EP300: variants seen among roughly 807,000 people sequenced by gnomAD.
EP300 encodes the protein histone acetyltransferase p300.
A neutral mutation model predicts 264.0 loss-of-function variants in EP300; 31 were observed. The observed-to-expected ratio is 0.12, with a 90% CI of 0.09 to 0.16. The LOEUF (loss-of-function observed/expected upper bound fraction) is 0.16. EP300 is among the 10% of genes least tolerant of loss of function. The pLI, the probability that EP300 is intolerant of heterozygous loss-of-function variation, is 1.00. For missense variants in EP300, 2,766 were observed against 3,052.9 expected (o/e 0.91, Z 2.21); for synonymous variants, 1,340 against 1,045.4 (o/e 1.28, Z -5.44).
In EP300 at chr22:41,177,245, A is replaced by G. The variant is rs2145516285; in HGVS notation, c.5534A>G (p.Gln1845Arg). ...CGGACTGGTGTGGTTGGGCAGCAAC[A>G]GGGCCTCCCTTCCCCCACTCCTGCC... ...MQRTGVVGQQ[Q>R]GLPSPTPATP... The change falls in exon 31 of 31, where the codon CAG (glutamine) becomes CGG (arginine). Residue 1845 changes from glutamine (Q) to arginine (R), a missense_variant. Coordinates refer to ENST00000263253, the MANE Select transcript of EP300 (RefSeq NM_001429.4). 6.2e-7 allele frequency: 1 copy of G among 1,614,104 alleles called. No individual in the cohort carries two copies.
At chr22:41,106,661 G>A (rs1208390149) in intron 1 of EP300, among the ~76,000 whole-genome samples, 3 of 152,148 alleles carry the variant, frequency 2.0e-5, no homozygotes, top group Non-Finnish European at 2.9e-5. Flanking sequence ...TGTCGTCCAG[G>A]CTGTAGTGCA....
intron 3 of EP300, chr22:41,126,355 C>G (rs9611500): frequency 0.029 from 7,688 of 265,412 alleles, 182 homozygotes; most frequent in South Asian, 0.08. Flanking sequence ...AAAGCGGAAC[C>G]TTTCACTTTT....
In EP300 at chr22:41,177,247, G is replaced by T; in HGVS notation, c.5536G>T (p.Gly1846Cys). The T allele has an allele frequency of 6.2e-7, 1 of 1,614,056 alleles. No homozygotes were observed. The highest frequency in any genetic ancestry group is 8.5e-7 in the Non-Finnish European group (1 of 1,180,012). ...GACTGGTGTGGTTGGGCAGCAACAGGGCCTCCCTTCCCCCACTCCTGCCAC... is the reference window on the plus strand; with the variant it reads ...GACTGGTGTGGTTGGGCAGCAACAGTGCCTCCCTTCCCCCACTCCTGCCAC... ...QRTGVVGQQQGLPSPTPATPT... is the reference protein window; with the variant it reads ...QRTGVVGQQQCLPSPTPATPT... The change falls in exon 31 of 31, where the codon GGC becomes TGC. Residue 1846 changes from glycine to cysteine, a missense_variant. Gly to Cys is a radical substitution (Grantham distance 159). Transcript: ENST00000263253.
chr22:41,127,293 G>A (rs1459258513), intron 3 of EP300, among the ~76,000 whole-genome samples, 194 bp from the exon 4 acceptor site: 5 of 151,952 alleles, frequency 3.3e-5, no homozygotes, highest in Non-Finnish European at 5.9e-5. Context: ...ACTTCGTAAT[G>A]TCATTTTTTT....
chr22:41,157,252 G>A lies in EP300; in HGVS notation c.3345G>A (p.Trp1115Ter), dbSNP rs2145747305. The A allele has an allele frequency of 6.2e-7, 1 of 1,614,138 alleles. No homozygotes were observed. Among genetic ancestry groups the A allele is most frequent in the South Asian group, 1.1e-5 (1 of 91,076 alleles). Residue 1115 changes from tryptophan to a stop codon, truncating the protein, a stop_gained, in exon 18 of 31, where the codon TGG (tryptophan) becomes TGA (stop). Transcript: ENST00000263253. LOFTEE classifies it high-confidence loss of function. ...ACACTGGACAGTATCAGGAGCCCTG[G>A]CAGTATGTCGATGATATTTGGCTTA... is the stretch of plus-strand genomic sequence containing the variant. ...KLDTGQYQEP[W>*]QYVDDIWLMF... is the part of the protein sequence containing the mutation.
At chr22:41,153,046 A>G (rs952058242) in intron 16 of EP300, among the ~76,000 whole-genome samples, 1 of 152,116 alleles carries the variant, frequency 6.6e-6, no homozygotes, top group African/African-American at 2.4e-5. Flanking sequence ...ATGAGCTACC[A>G]CACCCGGCCT....
intron 1 of EP300, among the ~76,000 whole-genome samples, chr22:41,101,730 A>C (rs527238324): frequency 6.6e-6 from 1 of 152,072 alleles, no homozygotes; most frequent in South Asian, 2.1e-4. Context: ...TTAAAGAATA[A>C]ATTTTCTTGA....
rs1042242121 is a variant in EP300, at chr22:41,178,808, G to T, written c.7097G>T (p.Ser2366Ile). ...ANPMEQGHFASPDQNSMLSQL... is the reference protein window; with the variant it reads ...ANPMEQGHFAIPDQNSMLSQL... Reference sequence around the variant, plus strand: ...CCCATGGAACAAGGGCATTTTGCCAGCCCGGACCAGAATTCAATGCTTTCT... The same window carrying T: ...CCCATGGAACAAGGGCATTTTGCCATCCCGGACCAGAATTCAATGCTTTCT... Residue 2366 changes from serine (S) to isoleucine (I), a missense_variant, in exon 31 of 31, where the codon AGC becomes ATC. Transcript: ENST00000263253. 3.7e-6 allele frequency: 6 copies of T among 1,614,152 alleles called. No homozygotes were observed. Among genetic ancestry groups the T allele is most frequent in the Non-Finnish European group, 5.1e-6 (6 of 1,180,038 alleles).
intron 22 of EP300, among the ~76,000 whole-genome samples, chr22:41,165,551 G>C (rs548566729): frequency 6.6e-5 from 10 of 152,002 alleles, no homozygotes; most frequent in Non-Finnish European, 1.3e-4. Context: ...AGCCTCCCTA[G>C]TAGCTGGGAT....
intron 19 of EP300, 108 bp downstream of exon 19, chr22:41,158,608 A>G: frequency 1.1e-6 from 1 of 884,220 alleles, no homozygotes; most frequent in South Asian, 1.4e-5. Context: ...TCTTGCTTGA[A>G]GACAGCTGTA....
intron 10 of EP300, 52 bp downstream of exon 10, chr22:41,141,274 T>C (rs757342684): frequency 2.5e-6 from 4 of 1,570,934 alleles, no homozygotes; most frequent in Non-Finnish European, 3.5e-6. Context: ...AATAAAATAG[T>C]TTCTATCTAA....
At position 41,131,625 on chromosome 22, in the gene EP300, GCAA is replaced by G; in HGVS notation, c.1523_1525del (p.Asn508del). 2 of 1,614,120 alleles carry G rather than the reference GCAA, an allele frequency of 1.2e-6. No homozygotes were observed. Among genetic ancestry groups the G allele is most frequent in the Non-Finnish European group, 1.7e-6 (2 of 1,180,044 alleles). On this transcript the variant is annotated inframe_deletion, in exon 6 of 31. Coordinates refer to ENST00000263253, the MANE Select transcript of EP300 (RefSeq NM_001429.4). ...TCTCCCCAAGGCATGCGGCCCATGA[GCAA>G]CATGAGTAAGTTTGTGTCATCCTAA...
intron 19 of EP300, 66 bp from the exon 20 acceptor site, chr22:41,160,576 T>C (rs2145752124): frequency 6.5e-7 from 1 of 1,531,766 alleles, no homozygotes; most frequent in South Asian, 1.1e-5. Context: ...GGTGGCTTCG[T>C]TGCTTGGCTT....
At position 41,178,047 on chromosome 22, in the gene EP300, G is replaced by A. The variant is rs765517870; in HGVS notation, c.6336G>A (p.Gly2112=). 1.2e-6 allele frequency: 2 copies of A among 1,614,138 alleles called. No homozygotes were observed. The highest frequency in any genetic ancestry group is 1.1e-5 in the South Asian group (1 of 91,080). Residue 2112 remains glycine (G), a synonymous_variant, in exon 31 of 31, where the codon GGG becomes GGA. Coordinates refer to ENST00000263253, the MANE Select transcript of EP300 (RefSeq NM_001429.4). ...GQPGMPQGQP[G]LQPPTMPGQQ... ...CTGGCATGCCCCAGGGGCAGCCAGG[G>A]CTACAGCCACCTACCATGCCAGGTC...
intron 2 of EP300, among the ~76,000 whole-genome samples, chr22:41,122,246 A>T (rs2058856915): frequency 7.0e-6 from 1 of 142,434 alleles, no homozygotes; most frequent in South Asian, 2.2e-4. Flanking sequence ...GCTCATTGCA[A>T]CCTCTGCCTC....
intron 1 of EP300, among the ~76,000 whole-genome samples, chr22:41,101,299 T>A (rs570726365): frequency 3.7e-4 from 57 of 152,180 alleles, no homozygotes; most frequent in African/African-American, 1.3e-3. Context: ...GGTCTCGAAC[T>A]CCTGACCTCA....
At chr22:41,174,433 T>C (rs575009043) in intron 29 of EP300, among the ~76,000 whole-genome samples, 1 of 152,246 alleles carries the variant, frequency 6.6e-6, no homozygotes, top group East Asian at 1.9e-4. Flanking sequence ...GATTTAACCT[T>C]TCTGAAAGTG....
chr22:41,125,020 C>T (rs1189194057), intron 2 of EP300, among the ~76,000 whole-genome samples: 1 of 151,876 alleles, frequency 6.6e-6, no homozygotes, highest in African/African-American at 2.4e-5. Flanking sequence ...TTACTTGCAG[C>T]CTCAACCTCC....
intron 19 of EP300, chr22:41,160,194 G>A (rs886694672): frequency 4.1e-5 from 9 of 219,246 alleles, no homozygotes; most frequent in African/African-American, 1.9e-4. Flanking sequence ...AAGGATATGG[G>A]TCTGTGTAAT....
Sources: gnomAD v4.1 joint callset for allele counts (sites outside exome capture counted in the v4.1 genomes callset) on GRCh38, gnomAD v4.1.1 for gene constraint, MANE v1.5 for transcripts, NCBI Gene and HGNC (gene_info 2026-07-23, HGNC 2026-07-21) for gene names.